The following PPP4R4 variants were observed in gnomAD, a reference collection of about 807,000 sequenced individuals.
PPP4R4 encodes serine/threonine-protein phosphatase 4 regulatory subunit 4.
A neutral mutation model predicts 121.8 loss-of-function variants in PPP4R4; 70 were observed. That is an observed-to-expected ratio of 0.57 (90% confidence interval 0.47 to 0.70). The LOEUF (loss-of-function observed/expected upper bound fraction) is 0.70. Ranked by LOEUF, PPP4R4 falls within the 30% of genes least tolerant of loss-of-function variation. PPP4R4 has a pLI of 0.00. For synonymous variants in PPP4R4, 348 were observed against 355.7 expected, an observed-to-expected ratio of 0.98 and a Z score of 0.24; for missense variants, 875 against 1,033.6, an observed-to-expected ratio of 0.85 and a Z score of 2.10.
At chr14:94,213,247 A>T (rs924377958) in intron 3 of PPP4R4, among the ~76,000 whole-genome samples, 4 of 152,178 alleles carry the variant, frequency 2.6e-5, no homozygotes, top group African/African-American at 9.7e-5. Context: ...GCTGATCATG[A>T]CTGTAACAGA....
intron 2 of PPP4R4, among the ~76,000 whole-genome samples, chr14:94,185,538 T>G (rs1889225825): frequency 6.6e-6 from 1 of 152,086 alleles, no homozygotes; most frequent in Non-Finnish European, 1.5e-5. Flanking sequence ...ATGAAAATAA[T>G]AATATCTTCA....
intron 3 of PPP4R4, chr14:94,227,914 T>G (rs1891805684): frequency 1.0e-6 from 1 of 969,376 alleles, no homozygotes; most frequent in South Asian, 4.8e-5. Context: ...AAATTGTTAG[T>G]GTGGAAGAAA....
chr14:94,228,912 A>G (rs900377980), intron 3 of PPP4R4, among the ~76,000 whole-genome samples: 2 of 152,170 alleles, frequency 1.3e-5, no homozygotes, highest in African/African-American at 4.8e-5. Context: ...GGTGACTTTC[A>G]GCTCGAAGTA....
chr14:94,278,049 A>C (rs951094416), intron 24 of PPP4R4, among the ~76,000 whole-genome samples: 1 of 152,184 alleles, frequency 6.6e-6, no homozygotes, highest in African/African-American at 2.4e-5. Context: ...TCTTCTGTGA[A>C]ATAGTATCCA....
At chr14:94,232,129 A>G (rs1368298579) in intron 5 of PPP4R4, among the ~76,000 whole-genome samples, 2 of 152,166 alleles carry the variant, frequency 1.3e-5, no homozygotes, top group African/African-American at 4.8e-5. Flanking sequence ...TCAACATTGA[A>G]CAGCATACTC....
rs747038752 is a variant in PPP4R4 at position 94,185,317 on chromosome 14, G to A, written c.191+9190G>A. Among the ~76,000 whole-genome samples the A allele has an allele frequency of 6.6e-5, 10 of 152,272 alleles. No individual in the cohort carries two copies. The East Asian group carries it at 1.7e-3, about 26-fold the overall frequency. ...GCCCAGGAATTCGAGACTAGCCTGG[G>A]CAATATAGCGAGACCCTGTCTCTAC... On this transcript the variant is annotated intron_variant, in intron 2 of 24. Transcript: ENST00000304338.
At chr14:94,270,735 C>T (rs146788306) in intron 23 of PPP4R4, among the ~76,000 whole-genome samples, 21 of 152,124 alleles carry the variant, frequency 1.4e-4, no homozygotes, top group African/African-American at 4.6e-4. Flanking sequence ...GCCTGACCAA[C>T]ATGGCAAAAC....
chr14:94,259,448 T>A, intron 19 of PPP4R4, 79 bp downstream of exon 19: 1 of 1,388,732 alleles, frequency 7.2e-7, no homozygotes, highest in Non-Finnish European at 9.4e-7. Flanking sequence ...TAATCATTTC[T>A]TTCCATTTCA....
At chr14:94,199,837 G>T (rs140166972) in intron 2 of PPP4R4, among the ~76,000 whole-genome samples, 2 of 152,280 alleles carry the variant, frequency 1.3e-5, no homozygotes, top group East Asian at 3.9e-4. Flanking sequence ...AGCTGCGTGT[G>T]TTTTCTTCCG....
At chr14:94,255,248 C>T (rs764151079) in intron 16 of PPP4R4, among the ~76,000 whole-genome samples, 1 of 152,170 alleles carries the variant, frequency 6.6e-6, no homozygotes, top group African/African-American at 2.4e-5. Flanking sequence ...TAAATAAATT[C>T]TTCTCTCTGT....
chr14:94,254,179 A>G (rs908505813), intron 16 of PPP4R4, among the ~76,000 whole-genome samples: 3 of 152,212 alleles, frequency 2.0e-5, no homozygotes, highest in Admixed American at 1.3e-4. Flanking sequence ...TCTCATAGAG[A>G]TGAATCATTA....
At chr14:94,210,716 A>G (rs1438611039) in intron 3 of PPP4R4, among the ~76,000 whole-genome samples, 1 of 152,194 alleles carries the variant, frequency 6.6e-6, no homozygotes, top group Non-Finnish European at 1.5e-5. Context: ...ATAATAGAGT[A>G]TTGTGTGCTT....
chr14:94,267,066 A>C, intron 23 of PPP4R4, 37 bp downstream of exon 23: 1 of 1,381,410 alleles, frequency 7.2e-7, no homozygotes, highest in Non-Finnish European at 1.0e-6. Flanking sequence ...AAGTTGCTAA[A>C]TTTAACAAAA....
chr14:94,193,122 T>C (rs1208801704), intron 2 of PPP4R4, among the ~76,000 whole-genome samples: 1 of 152,214 alleles, frequency 6.6e-6, no homozygotes, highest in Non-Finnish European at 1.5e-5. Flanking sequence ...TATCATTTTG[T>C]GTTTTTGTCT....
intron 2 of PPP4R4, among the ~76,000 whole-genome samples, chr14:94,190,658 C>T (rs1196473925): frequency 6.6e-6 from 1 of 152,014 alleles, no homozygotes; most frequent in East Asian, 1.9e-4. Context: ...ATTTTTACTG[C>T]TATTTGTTAA....
intron 2 of PPP4R4, among the ~76,000 whole-genome samples, chr14:94,178,514 C>T (rs1888800179): frequency 6.6e-6 from 1 of 151,622 alleles, no homozygotes; most frequent in East Asian, 1.9e-4. Flanking sequence ...GTTCTGATAG[C>T]ATTTAGATTG....
rs554103684 is a variant in PPP4R4 at position 94,230,766 on chromosome 14, T to C, written c.442+32T>C. 3.2e-6 allele frequency: 5 copies of C among 1,572,330 alleles called. No homozygotes were observed. The South Asian group carries it at 5.8e-5, about 18-fold the overall frequency. On this transcript the variant is annotated intron_variant, in intron 4 of 24. Coordinates refer to ENST00000304338, the MANE Select transcript of PPP4R4 (RefSeq NM_058237.2). ...GGCCTGGCATGCTTAATTATATACT[T>C]GTTTATTGTTTTTTTGTGTATGGCC...
At chr14:94,265,213 G>T (rs1460662290) in intron 20 of PPP4R4, among the ~76,000 whole-genome samples, 174 bp from the exon 21 acceptor site, 1 of 152,130 alleles carries the variant, frequency 6.6e-6, no homozygotes, top group Non-Finnish European at 1.5e-5. Flanking sequence ...TTGTGAAATT[G>T]ATCACTGAAT....
intron 22 of PPP4R4, among the ~76,000 whole-genome samples, chr14:94,266,629 A>G (rs774203987): frequency 1.1e-4 from 16 of 152,136 alleles, no homozygotes; most frequent in Non-Finnish European, 1.9e-4. Context: ...GTACCTGGCC[A>G]GTAGAGTGAT....
Sources: gnomAD v4.1 joint callset for allele counts (sites outside exome capture counted in the v4.1 genomes callset) on GRCh38, gnomAD v4.1.1 for gene constraint, MANE v1.5 for transcripts, NCBI Gene and HGNC (gene_info 2026-07-23, HGNC 2026-07-21) for gene names.